Variants in RGS6 observed in about 807,000 individuals in gnomAD.
RGS6 encodes regulator of G-protein signaling 6.
In RGS6, 30 loss-of-function variants were observed where a neutral mutation model predicts 78.5. The observed-to-expected ratio is 0.38, with a 90% CI of 0.29 to 0.52. RGS6 has a LOEUF of 0.52. Among genes scored for constraint, RGS6 ranks in the 20% least tolerant of loss-of-function variants. RGS6 has a pLI of 0.85. For missense variants in RGS6, 495 were observed against 609.7 expected, an observed-to-expected ratio of 0.81 and a Z score of 1.98; for synonymous variants, 206 against 206.0, an observed-to-expected ratio of 1.00 and a Z score of 0.00.
chr14:72,519,207 G>C (rs576386113), intron 15 of RGS6, among the ~76,000 whole-genome samples: 22 of 152,336 alleles, frequency 1.4e-4, no homozygotes, highest in Admixed American at 1.0e-3. Context: ...ACAGATGCTA[G>C]TGATGCTGGC....
intron 1 of RGS6, among the ~76,000 whole-genome samples, chr14:71,937,083 A>G (rs1290957234): frequency 1.3e-5 from 2 of 152,166 alleles, no homozygotes; most frequent in African/African-American, 4.8e-5. Context: ...CCTGTGTTCC[A>G]TATGTAGTCT....
At chr14:72,324,069 A>G (rs1567755235) in intron 2 of RGS6, among the ~76,000 whole-genome samples, 1 of 152,066 alleles carries the variant, frequency 6.6e-6, no homozygotes, top group Non-Finnish European at 1.5e-5. Flanking sequence ...TCGTTATTCT[A>G]AAATGTATTA....
chr14:72,619,802 TA>T, the RGS6 span: 1 of 1,119,388 alleles, frequency 8.9e-7, no homozygotes, highest in Non-Finnish European at 1.2e-6. Flanking sequence ...CATGAACATG[TA>T]AACCCATTAG....
intron 2 of RGS6, among the ~76,000 whole-genome samples, chr14:72,087,988 A>T (rs1263340453): frequency 6.6e-6 from 1 of 152,152 alleles, no homozygotes; most frequent in Non-Finnish European, 1.5e-5. Context: ...TCATGGCAGA[A>T]ATAAAGGTCA....
intron 2 of RGS6, among the ~76,000 whole-genome samples, chr14:72,045,409 G>T (rs1271741076): frequency 1.3e-5 from 2 of 152,166 alleles, no homozygotes; most frequent in African/African-American, 4.8e-5. Flanking sequence ...CAGTTGGCCT[G>T]TGTTTAGTAT....
At chr14:72,545,093 C>T (rs567074235) in intron 17 of RGS6, among the ~76,000 whole-genome samples, 1 of 152,364 alleles carries the variant, frequency 6.6e-6, no homozygotes, top group South Asian at 2.1e-4. Flanking sequence ...AGGGCTTTGA[C>T]CTCAGTTGAA....
the RGS6 span, among the ~76,000 whole-genome samples, chr14:72,623,749 C>A: frequency 5.7e-4 from 87 of 152,168 alleles, 1 homozygote; most frequent in Middle Eastern, 9.5e-3. Context: ...AAAATATTTT[C>A]TACCTCTGTC....
the RGS6 span, among the ~76,000 whole-genome samples, chr14:71,871,735 C>A: frequency 6.6e-6 from 1 of 152,142 alleles, no homozygotes; most frequent in Non-Finnish European, 1.5e-5. Flanking sequence ...TTTCCTTTCC[C>A]TTTTTTTGCT....
intron 15 of RGS6, among the ~76,000 whole-genome samples, chr14:72,522,172 C>A (rs1434582428): frequency 6.6e-6 from 1 of 152,162 alleles, no homozygotes; most frequent in Non-Finnish European, 1.5e-5. Context: ...GATTTGGTTG[C>A]TGGTGAGGGC....
chr14:72,264,801 G>A (rs1358783879), intron 2 of RGS6, among the ~76,000 whole-genome samples: 2 of 152,168 alleles, frequency 1.3e-5, no homozygotes, highest in African/African-American at 4.8e-5. Flanking sequence ...TTTTGCTAAT[G>A]CGCCTGCCAA....
At chr14:72,254,761 G>T (rs1420802569) in intron 2 of RGS6, among the ~76,000 whole-genome samples, 1 of 152,042 alleles carries the variant, frequency 6.6e-6, no homozygotes, top group East Asian at 1.9e-4. Context: ...AAAACAAAAG[G>T]CAGTATCCCT....
intron 15 of RGS6, among the ~76,000 whole-genome samples, chr14:72,521,806 T>C (rs894813412): frequency 6.6e-6 from 1 of 152,168 alleles, no homozygotes; most frequent in Non-Finnish European, 1.5e-5. Flanking sequence ...CAATGGAGCC[T>C]ACACATAGGG....
At chr14:71,973,735 T>C (rs931399047) in intron 2 of RGS6, among the ~76,000 whole-genome samples, 12 of 152,238 alleles carry the variant, frequency 7.9e-5, no homozygotes, top group Non-Finnish European at 1.8e-4. Flanking sequence ...TTGTTCAGTC[T>C]ACATTTTAAG....
the RGS6 span, among the ~76,000 whole-genome samples, chr14:71,923,679 C>G: frequency 1.3e-5 from 2 of 152,068 alleles, no homozygotes; most frequent in South Asian, 4.2e-4. Flanking sequence ...GTAAAAGAAG[C>G]CTGACACAAA....
intron 3 of RGS6, among the ~76,000 whole-genome samples, chr14:72,401,162 TA>T (rs2092350992): frequency 6.6e-6 from 1 of 152,206 alleles, no homozygotes. Context: ...TCTACCTCCT[TA>T]AAATACTTTT....
chr14:72,113,424 C>T (rs976581014), intron 2 of RGS6, among the ~76,000 whole-genome samples: 2 of 152,052 alleles, frequency 1.3e-5, no homozygotes, highest in Non-Finnish European at 2.9e-5. Context: ...GTTGAGGAGC[C>T]CCAGAAGCCA....
intron 2 of RGS6, among the ~76,000 whole-genome samples, chr14:72,342,815 C>T (rs2077296961): frequency 6.6e-6 from 1 of 150,982 alleles, no homozygotes; most frequent in Non-Finnish European, 1.5e-5. Context: ...AAAAATGCAG[C>T]ATTGAAAATG....
intron 2 of RGS6, among the ~76,000 whole-genome samples, chr14:72,163,719 C>T (rs1567352053): frequency 2.0e-5 from 3 of 152,008 alleles, no homozygotes; most frequent in South Asian, 4.1e-4. Context: ...CCCATCTCCA[C>T]TAAAAATACA....
Position 72,171,745 on chromosome 14 carries a change from G to A in RGS6, c.85-180350G>A, listed in dbSNP as rs114700477. 3.7e-3 allele frequency among the ~76,000 whole-genome samples: 558 copies of A among 152,318 alleles called. 5 individuals carry two copies. Among genetic ancestry groups the A allele is most frequent in the African/African-American group, 0.013 (525 of 41,564 alleles). ...GAGAGGAAACAGTAATCTGCAAAGTGTGAGTTCAATTACCCTGACCTTTCA... is the reference window on the plus strand; with the variant it reads ...GAGAGGAAACAGTAATCTGCAAAGTATGAGTTCAATTACCCTGACCTTTCA... On this transcript the variant is annotated intron_variant, in intron 2 of 17. Coordinates refer to ENST00000553525, the MANE Select transcript of RGS6 (RefSeq NM_001204424.2).
Sources: allele counts gnomAD v4.1 joint callset (sites outside exome capture counted in the v4.1 genomes callset), GRCh38; gene constraint gnomAD v4.1.1; transcripts MANE v1.5; gene names NCBI Gene and HGNC (gene_info 2026-07-23, HGNC 2026-07-21).